Variants in SIPA1L3 observed in about 807,000 individuals in gnomAD.
SIPA1L3 encodes signal induced proliferation associated 1 like 3.
SIPA1L3 carries 59 observed loss-of-function variants against 150.1 expected under a neutral mutation model. The ratio of observed to expected loss-of-function variants is 0.39; its 90% CI spans 0.32 to 0.49. The LOEUF is 0.49. Ranked by LOEUF, SIPA1L3 falls within the 20% of genes least tolerant of loss-of-function variation. The probability of loss-of-function intolerance (pLI) is 0.86; values close to 1 mark genes in which losing one functional copy is unlikely to be tolerated. For missense variants in SIPA1L3, 2,211 were observed against 2,489.5 expected, an observed-to-expected ratio of 0.89 and a Z score of 2.38; for synonymous variants, 1,070 against 1,077.6, an observed-to-expected ratio of 0.99 and a Z score of 0.14.
intron 4 of SIPA1L3, among the ~76,000 whole-genome samples, chr19:38,092,367 T>C: frequency 6.7e-6 from 1 of 150,094 alleles, no homozygotes; most frequent in Middle Eastern, 3.4e-3. Flanking sequence ...TAAAGTATAA[T>C]ATTAAAAAAA....
At chr19:38,092,421 T>G (rs1304058982) in intron 4 of SIPA1L3, among the ~76,000 whole-genome samples, 2 of 151,970 alleles carry the variant, frequency 1.3e-5, no homozygotes. Context: ...TCGTGAGACT[T>G]TAGTGCATGG....
In SIPA1L3 at chr19:38,046,309, G is replaced by A. The variant is rs7508706; in HGVS notation, c.-311+17153G>A. ...CAAAAGGGACCCCCACCTGCTGCCC[G>A]CAAAGATGGCCTCATTTCCTCTCAG... On this transcript the variant is annotated intron_variant, in intron 2 of 21. Transcript: ENST00000222345. The surrounding 1 kb of genome is among the most constrained non-coding windows in gnomAD (Gnocchi z 5.6). Among the ~76,000 whole-genome samples the A allele has an allele frequency of 6.6e-6, 1 of 152,126 alleles. No individual in the cohort carries two copies. Among genetic ancestry groups the A allele is most frequent in the Non-Finnish European group, 1.5e-5 (1 of 68,026 alleles).
chr19:38,153,171 G>C (rs1469456454), intron 13 of SIPA1L3, among the ~76,000 whole-genome samples: 1 of 152,242 alleles, frequency 6.6e-6, no homozygotes, highest in Non-Finnish European at 1.5e-5. Context: ...TCCAGACAGG[G>C]CATCGGCAGG....
At chr19:38,096,820 A>G (rs952347959) in intron 4 of SIPA1L3, among the ~76,000 whole-genome samples, 1 of 152,168 alleles carries the variant, frequency 6.6e-6, no homozygotes, top group African/African-American at 2.4e-5. Flanking sequence ...GAAGATTAGC[A>G]TGCCTGGTGA....
chr19:38,132,112 C>T (rs1971324918), intron 10 of SIPA1L3, among the ~76,000 whole-genome samples: 2 of 151,712 alleles, frequency 1.3e-5, no homozygotes, highest in African/African-American at 4.8e-5. Flanking sequence ...AAAAACAGTG[C>T]AGTTGTAGCC....
rs374907345 is a variant in SIPA1L3 at position 37,983,262 on chromosome 19, C to T, written c.-378-45827C>T. ...GCAGTGGAGGGTGGTGGTTGAAAGCCGACCCTGGAGCCACGTGCTGGGAGT... is the reference window on the plus strand; with the variant it reads ...GCAGTGGAGGGTGGTGGTTGAAAGCTGACCCTGGAGCCACGTGCTGGGAGT... On this transcript the variant is annotated intron_variant, in intron 1 of 21. Transcript: ENST00000222345. Among the ~76,000 whole-genome samples, 42 of 152,260 alleles carry T rather than the reference C, an allele frequency of 2.8e-4. No homozygotes were observed. The East Asian group carries it at 3.9e-3, about 14-fold the overall frequency.
At chr19:37,968,058 C>G (rs1450656810) in intron 1 of SIPA1L3, among the ~76,000 whole-genome samples, 3 of 86,584 alleles carry the variant, frequency 3.5e-5, no homozygotes, top group Non-Finnish European at 6.4e-5. Flanking sequence ...TTCTGATGGC[C>G]TCATCTCTTT....
At chr19:38,089,644 C>G (rs1445180331) in intron 4 of SIPA1L3, among the ~76,000 whole-genome samples, 2 of 152,236 alleles carry the variant, frequency 1.3e-5, no homozygotes, top group Admixed American at 1.3e-4. Flanking sequence ...GTGTCACTTT[C>G]CATTCTGAGT....
intron 13 of SIPA1L3, among the ~76,000 whole-genome samples, chr19:38,153,956 A>G (rs1351085866): frequency 1.3e-5 from 2 of 152,140 alleles, no homozygotes; most frequent in Admixed American, 1.3e-4. Flanking sequence ...AAAAGAGCCT[A>G]CATGATGAAG....
intron 15 of SIPA1L3, among the ~76,000 whole-genome samples, chr19:38,179,748 A>G (rs1972517461): frequency 6.6e-6 from 1 of 152,196 alleles, no homozygotes; most frequent in African/African-American, 2.4e-5. Context: ...CTTTTATAGA[A>G]TCTTATTTTA....
chr19:37,935,743 C>T (rs376185910), intron 1 of SIPA1L3, among the ~76,000 whole-genome samples: 34 of 152,176 alleles, frequency 2.2e-4, no homozygotes, highest in Admixed American at 2.6e-4. Context: ...ACTTATAACA[C>T]GGCAGCTGAG....
At chr19:37,928,069 T>A (rs1418563449) in intron 1 of SIPA1L3, among the ~76,000 whole-genome samples, 1 of 152,038 alleles carries the variant, frequency 6.6e-6, no homozygotes, top group Non-Finnish European at 1.5e-5. Context: ...TTCCTTTGGG[T>A]AGATACCCAG....
At chr19:38,122,032 C>T (rs1251112417) in intron 9 of SIPA1L3, among the ~76,000 whole-genome samples, 1 of 151,754 alleles carries the variant, frequency 6.6e-6, no homozygotes, top group Non-Finnish European at 1.5e-5. Flanking sequence ...ACCAGCCTGG[C>T]CAACATGGTA....
intron 12 of SIPA1L3, among the ~76,000 whole-genome samples, chr19:38,148,955 T>C (rs1216386641): frequency 6.6e-6 from 1 of 152,186 alleles, no homozygotes; most frequent in East Asian, 1.9e-4. Flanking sequence ...CCCAGAGCTG[T>C]GTGTGATGAG....
intron 2 of SIPA1L3, among the ~76,000 whole-genome samples, chr19:38,064,857 A>G (rs1306973451): frequency 6.6e-6 from 1 of 152,180 alleles, no homozygotes; most frequent in Non-Finnish European, 1.5e-5. Context: ...GCATAGAGAG[A>G]CTAGGTTGCC....
intron 15 of SIPA1L3, among the ~76,000 whole-genome samples, chr19:38,179,066 C>T (rs1254954594): frequency 1.3e-5 from 2 of 152,178 alleles, no homozygotes; most frequent in Non-Finnish European, 2.9e-5. Context: ...TTTGCATTAG[C>T]CATTTTGCTA....
Position 38,041,899 on chromosome 19 carries a change from T to C in SIPA1L3, c.-311+12743T>C, listed in dbSNP as rs1291108165. Among the ~76,000 whole-genome samples the C allele has an allele frequency of 2.6e-5, 4 of 152,318 alleles. No individual in the cohort carries two copies. The East Asian group carries it at 7.7e-4, about 29-fold the overall frequency. On this transcript the variant is annotated intron_variant, in intron 2 of 21. Coordinates refer to ENST00000222345, the MANE Select transcript of SIPA1L3 (RefSeq NM_015073.3). The stretch of plus-strand genomic sequence containing the variant: ...CCTTTGCTAATTTCTTACTTGGTTA[T>C]TTTTTTCTAATATTGAGTTGTAAGA...
chr19:37,914,254 C>T (rs1421098510), intron 1 of SIPA1L3, among the ~76,000 whole-genome samples: 2 of 152,112 alleles, frequency 1.3e-5, no homozygotes, highest in East Asian at 3.8e-4. Flanking sequence ...GAAGAAAGAA[C>T]ATTCCAGGTA....
chr19:38,206,252 G>A lies in SIPA1L3; in HGVS notation c.*12G>A, dbSNP rs548159536. 67 of 1,537,892 alleles carry A rather than the reference G, an allele frequency of 4.4e-5. 1 individual carries two copies. Among genetic ancestry groups the A allele is most frequent in the South Asian group, 2.3e-4 (19 of 82,018 alleles). ...AGAAGGAGCTCTGAGGTGGGAGGCC[G>A]CCGCCCGCCTTCGCTCCTTCCCCTC... On this transcript the variant is annotated 3_prime_UTR_variant, in exon 22 of 22. Transcript: ENST00000222345.
Sources: gnomAD v4.1 joint callset for allele counts (sites outside exome capture counted in the v4.1 genomes callset) on GRCh38, gnomAD v4.1.1 for gene constraint, Gnocchi (gnomAD v3.1) non-coding constraint, MANE v1.5 for transcripts, NCBI Gene and HGNC (gene_info 2026-07-23, HGNC 2026-07-21) for gene names.